Variants in ICOS observed in about 807,000 individuals in gnomAD.
ICOS encodes the protein inducible T cell costimulator.
A neutral mutation model predicts 24.6 loss-of-function variants in ICOS; 15 were observed. The observed-to-expected ratio is 0.61, with a 90% CI of 0.41 to 0.94. The LOEUF (loss-of-function observed/expected upper bound fraction) is 0.94, where lower values mean the gene tolerates loss of function less well. Among genes scored for constraint, ICOS ranks in the 40% least tolerant of loss-of-function variants. The pLI, the probability that ICOS is intolerant of heterozygous loss-of-function variation, is 0.00. For synonymous variants in ICOS, 89 were observed against 77.5 expected, an observed-to-expected ratio of 1.15 and a Z score of -0.78; for missense variants, 200 against 233.0, an observed-to-expected ratio of 0.86 and a Z score of 0.92.
chr2:203,951,052 ACTCCAT>A, intron 1 of ICOS, among the ~76,000 whole-genome samples: 1 of 146,820 alleles, frequency 6.8e-6, no homozygotes, highest in Admixed American at 6.9e-5. Context: ...ACAGAACAAG[ACTCCAT>A]CTCAAAAAAA....
At chr2:203,956,045 A>G (rs1690073920) in intron 2 of ICOS, 74 bp downstream of exon 2, 2 of 957,494 alleles carry the variant, frequency 2.1e-6, no homozygotes, top group South Asian at 2.9e-5. Flanking sequence ...TAATAAAATC[A>G]ATTAGACAAA....
intron 4 of ICOS, 74 bp from the exon 5 acceptor site, chr2:203,959,512 A>G: frequency 1.6e-6 from 2 of 1,269,572 alleles, no homozygotes; most frequent in Non-Finnish European, 2.3e-6. Flanking sequence ...AAGGCAATGG[A>G]GAGGGGAAAG....
Position 203,957,014 on chromosome 2 carries a change from T to C in ICOS, c.501+249T>C, listed in dbSNP as rs188839016. On this transcript the variant is annotated intron_variant, in intron 3 of 4. Coordinates refer to ENST00000316386, the MANE Select transcript of ICOS (RefSeq NM_012092.4). ...ACAGAGAGTTACATTATTATTATTATTGTTCAAACTAGATGAGGAAATTGA... is the reference window on the plus strand; with the variant it reads ...ACAGAGAGTTACATTATTATTATTACTGTTCAAACTAGATGAGGAAATTGA... 4.2e-3 allele frequency among the ~76,000 whole-genome samples: 646 copies of C among 152,208 alleles called. 5 individuals carry two copies. Among genetic ancestry groups the C allele is most frequent in the Non-Finnish European group, 7.0e-3 (475 of 67,998 alleles).
chr2:203,937,952 A>G (rs1273138822), intron 1 of ICOS, among the ~76,000 whole-genome samples: 2 of 152,200 alleles, frequency 1.3e-5, no homozygotes, highest in African/African-American at 4.8e-5. Context: ...CATGAATGAC[A>G]TGAGCAGCTT....
intron 1 of ICOS, among the ~76,000 whole-genome samples, chr2:203,940,142 A>C (rs1367191084): frequency 6.6e-6 from 1 of 152,182 alleles, no homozygotes; most frequent in African/African-American, 2.4e-5. Flanking sequence ...GTATGAAAAT[A>C]ATGAAAATGC....
At chr2:203,957,265 A>G (rs1559036242) in intron 3 of ICOS, among the ~76,000 whole-genome samples, 5 of 152,192 alleles carry the variant, frequency 3.3e-5, no homozygotes, top group African/African-American at 9.7e-5. Flanking sequence ...GAAATTGACA[A>G]CTTTTTTACA....
At chr2:203,939,378 T>G (rs956346515) in intron 1 of ICOS, among the ~76,000 whole-genome samples, 1 of 152,194 alleles carries the variant, frequency 6.6e-6, no homozygotes. Flanking sequence ...GTCTTGTTTT[T>G]TTTTAATGAA....
At chr2:203,951,350 T>A (rs1689970182) in intron 1 of ICOS, among the ~76,000 whole-genome samples, 1 of 152,216 alleles carries the variant, frequency 6.6e-6, no homozygotes, top group Admixed American at 6.5e-5. Flanking sequence ...TTGTTTGCAG[T>A]CTTATCTGGA....
intron 1 of ICOS, among the ~76,000 whole-genome samples, chr2:203,937,752 T>A (rs1382853274): frequency 6.6e-6 from 1 of 152,074 alleles, no homozygotes. Flanking sequence ...GGCAAAAAAA[T>A]AGACCTTACT....
chr2:203,942,183 A>G (rs958377142), intron 1 of ICOS, among the ~76,000 whole-genome samples: 1 of 152,196 alleles, frequency 6.6e-6, no homozygotes. Flanking sequence ...TACAGCCTGT[A>G]TTTGTGTTCT....
In ICOS at chr2:203,960,947, C is replaced by T. The variant is rs1266325403; in HGVS notation, c.*1348C>T. ...AAACCACACAGCCTGGAAATTGGCC[C>T]TGGCCCTTCAAGATAGCCTTCTTTA... On this transcript the variant is annotated 3_prime_UTR_variant, in exon 5 of 5. Transcript: ENST00000316386. The T allele has an allele frequency of 2.6e-5, 4 of 152,222 alleles. No homozygotes were observed. Among genetic ancestry groups the T allele is most frequent in the Non-Finnish European group, 5.9e-5 (4 of 68,050 alleles). The allele number at this position is 152,222 out of a possible 1,614,324, so 9.4% of individuals were successfully genotyped here. A position where few individuals can be genotyped will look rare whatever the true frequency, so the allele number is the denominator to read the frequency against.
intron 1 of ICOS, among the ~76,000 whole-genome samples, chr2:203,937,312 C>G (rs533900989): frequency 8.5e-5 from 13 of 152,234 alleles, no homozygotes; most frequent in African/African-American, 3.1e-4. Context: ...TGATTTTAAT[C>G]TTACCTGGAT....
chr2:203,958,168 A>G (rs1690110970), intron 4 of ICOS, among the ~76,000 whole-genome samples: 1 of 152,182 alleles, frequency 6.6e-6, no homozygotes, highest in African/African-American at 2.4e-5. Context: ...TGATGTTTCA[A>G]AAGTTGGGAT....
chr2:203,959,603 G>A lies in ICOS; in HGVS notation c.*4G>A, dbSNP rs1450915615. 2.5e-6 allele frequency: 4 copies of A among 1,612,804 alleles called. No individual in the cohort carries two copies. The East Asian group carries it at 8.9e-5, about 36-fold the overall frequency. On this transcript the variant is annotated 3_prime_UTR_variant, in exon 5 of 5. Transcript: ENST00000316386. ...TGTTACAGATGTGACCCTATAATAT[G>A]GAACTCTGGCACCCAGGCATGAAGC...
chr2:203,956,745 A>G lies in ICOS; in HGVS notation c.481A>G (p.Ile161Val). The change falls in exon 3 of 5, where the codon ATT becomes GTT. Residue 161 changes from isoleucine (I) to valine (V), a missense_variant. By Grantham distance (29) the Ile-to-Val change is conservative. Coordinates refer to ENST00000316386, the MANE Select transcript of ICOS (RefSeq NM_012092.4). ...AGTCTGCATTTTGGGATGCATACTT[A>G]TTTGTTGGCTTACAAAAAAGGTAAG... ...VVVCILGCIL[I>V]CWLTKKKYSS... 2 of 1,611,176 alleles carry G rather than the reference A, an allele frequency of 1.2e-6. No individual in the cohort carries two copies. Among genetic ancestry groups the G allele is most frequent in the Non-Finnish European group, 1.7e-6 (2 of 1,177,466 alleles).
chr2:203,946,568 A>G (rs1689873109), intron 1 of ICOS, among the ~76,000 whole-genome samples: 1 of 152,202 alleles, frequency 6.6e-6, no homozygotes, highest in African/African-American at 2.4e-5. Context: ...TGATGCATAT[A>G]TAAAAATCTA....
At chr2:203,956,513 T>C (rs1211009133) in intron 2 of ICOS, 146 bp from the exon 3 acceptor site, 1 of 682,720 alleles carries the variant, frequency 1.5e-6, no homozygotes, top group African/African-American at 1.8e-5. Context: ...ACTGAGATGA[T>C]GTTAGTCTAA....
intron 1 of ICOS, among the ~76,000 whole-genome samples, chr2:203,945,890 G>T (rs186358577): frequency 3.7e-4 from 57 of 152,300 alleles, no homozygotes; most frequent in African/African-American, 9.4e-4. Flanking sequence ...TTGGGCTGGA[G>T]AGAAAATGTG....
chr2:203,948,946 G>C (rs1236410436), intron 1 of ICOS, among the ~76,000 whole-genome samples: 1 of 152,216 alleles, frequency 6.6e-6, no homozygotes, highest in Non-Finnish European at 1.5e-5. Flanking sequence ...GGAGAGGTAG[G>C]AGAGGTCATG....
Sources: allele counts gnomAD v4.1 joint callset (sites outside exome capture counted in the v4.1 genomes callset), GRCh38; gene constraint gnomAD v4.1.1; transcripts MANE v1.5; gene names NCBI Gene and HGNC (gene_info 2026-07-23, HGNC 2026-07-21).